The following USP4 variants were observed in gnomAD, a reference collection of about 807,000 sequenced individuals.
The protein encoded by USP4 is ubiquitin carboxyl-terminal hydrolase 4.
In USP4, 72 loss-of-function variants were observed where a neutral mutation model predicts 118.2. The ratio of observed to expected loss-of-function variants is 0.61; its 90% CI spans 0.50 to 0.74. The LOEUF (loss-of-function observed/expected upper bound fraction) is 0.74. Among genes scored for constraint, USP4 ranks in the 30% least tolerant of loss-of-function variants. The pLI, the probability that USP4 is intolerant of heterozygous loss-of-function variation, is 0.00. For synonymous variants in USP4, 415 were observed against 440.4 expected, an observed-to-expected ratio of 0.94 and a Z score of 0.72; for missense variants, 1,037 against 1,185.7, an observed-to-expected ratio of 0.87 and a Z score of 1.84.
chr3:49,332,093 T>C (rs908148396), intron 2 of USP4, among the ~76,000 whole-genome samples: 1 of 151,832 alleles, frequency 6.6e-6, no homozygotes, highest in African/African-American at 2.4e-5. Context: ...GCCAACGTGC[T>C]GAAATCCCGT....
intron 2 of USP4, 21 bp from the exon 3 acceptor site, chr3:49,327,837 A>G (rs982019674): frequency 3.7e-6 from 6 of 1,605,886 alleles, no homozygotes; most frequent in Non-Finnish European, 5.1e-6. Context: ...AAAAGAGCAC[A>G]TAAGTCACTG....
At position 49,327,734 on chromosome 3, in the gene USP4, T is replaced by C. The variant is rs761452960; in HGVS notation, c.312A>G (p.Leu104=). 66 of 1,614,022 alleles carry C rather than the reference T, an allele frequency of 4.1e-5. No individual in the cohort carries two copies. In the East Asian group the frequency reaches 1.4e-3, roughly 33 times the overall value. ...VLVPTEAWNK[L]LNWYGCVEGQ... Reference sequence around the variant, plus strand: ...CTTCTACACAGCCGTACCAGTTTAGTAGTTTATTCCACGCCTCGGTAGGGA... The same window carrying C: ...CTTCTACACAGCCGTACCAGTTTAGCAGTTTATTCCACGCCTCGGTAGGGA... Residue 104 remains leucine, a synonymous_variant, in exon 3 of 22, where the codon CTA becomes CTG. Coordinates refer to ENST00000265560, the MANE Select transcript of USP4 (RefSeq NM_003363.4).
intron 19 of USP4, among the ~76,000 whole-genome samples, chr3:49,281,489 T>TACAC (rs1275522608): frequency 2.1e-3 from 229 of 109,108 alleles, no homozygotes; most frequent in Middle Eastern, 9.7e-3. Flanking sequence ...TATATATATA[T>TACAC]ATACACACAC....
At chr3:49,306,213 T>G (rs539441736) in intron 8 of USP4, among the ~76,000 whole-genome samples, 10 of 151,504 alleles carry the variant, frequency 6.6e-5, no homozygotes, top group Admixed American at 3.3e-4. Context: ...TTTTTTTGTT[T>G]TTTTTTTTTT....
At chr3:49,306,910 G>A (rs375629041) in intron 8 of USP4, among the ~76,000 whole-genome samples, 15 of 151,348 alleles carry the variant, frequency 9.9e-5, no homozygotes, top group African/African-American at 3.4e-4. Context: ...TCAGCCTCCC[G>A]AGTAGCTGGG....
chr3:49,300,743 C>G, intron 10 of USP4, 52 bp from the exon 11 acceptor site: 1 of 1,549,758 alleles, frequency 6.5e-7, no homozygotes, highest in Non-Finnish European at 8.8e-7. Context: ...GCCCCTTGCC[C>G]CTGCATCCAG....
At chr3:49,283,202 G>T (rs924466076) in intron 19 of USP4, among the ~76,000 whole-genome samples, 1 of 150,200 alleles carries the variant, frequency 6.7e-6, no homozygotes, top group Admixed American at 6.6e-5. Flanking sequence ...TTTTAGTAGA[G>T]ATGGGGTTTC....
rs181208208 is a variant in USP4, at chr3:49,302,385, G to A, written c.1286C>T (p.Ala429Val). 10 of 1,613,248 alleles carry A rather than the reference G, an allele frequency of 6.2e-6. No homozygotes were observed. The highest frequency in any genetic ancestry group is 2.2e-5 in the East Asian group (1 of 44,876). The change falls in exon 10 of 22, where the codon GCG (alanine) becomes GTG (valine). Residue 429 changes from alanine to valine, a missense_variant and splice_region_variant. Physicochemically the swap from Ala to Val is moderately conservative, Grantham distance 64. Coordinates refer to ENST00000265560, the MANE Select transcript of USP4 (RefSeq NM_003363.4). ...ATTCAGACATCATTAATGGCATACCGCATCTGGCCGCCCATTGGCATCCTT... is the reference window on the plus strand; with the variant it reads ...ATTCAGACATCATTAATGGCATACCACATCTGGCCGCCCATTGGCATCCTT... The part of the protein sequence containing the change: ...ELKDANGRPD[A>V]VVAKEAWENH...
intron 13 of USP4, among the ~76,000 whole-genome samples, chr3:49,295,276 G>A (rs9870030): frequency 0.11 from 11,444 of 103,230 alleles, 570 homozygotes; most frequent in Middle Eastern, 0.23. Context: ...GCAACAGAGC[G>A]AGACTCCATC....
At chr3:49,333,017 C>CTT (rs924405074) in intron 2 of USP4, among the ~76,000 whole-genome samples, 1 of 126,282 alleles carries the variant, frequency 7.9e-6, no homozygotes, top group East Asian at 2.2e-4. Context: ...CAGTAGCTAC[C>CTT]TTTTTTTTTT....
At chr3:49,336,165 C>CTTTTTTTTTT (rs34604530) in intron 1 of USP4, among the ~76,000 whole-genome samples, 1 of 83,000 alleles carries the variant, frequency 1.2e-5, no homozygotes, top group Non-Finnish European at 2.2e-5. Context: ...CACCTGGCCT[C>CTTTTTTTTTT]TTTTTTTTTT....
chr3:49,300,464 C>T lies in USP4; in HGVS notation c.1512+3G>A, dbSNP rs2047252735. On this transcript the variant is annotated splice_donor_region_variant and intron_variant, in intron 11 of 21. Transcript: ENST00000265560. ...GGTGCCATAAGGGTGTGGATTCTGT[C>T]ACCTGAGTAGGTCTGCAGTGAGGGT... 4 of 1,613,858 alleles carry T rather than the reference C, an allele frequency of 2.5e-6. No homozygotes were observed. The highest frequency in any genetic ancestry group is 3.4e-6 in the Non-Finnish European group (4 of 1,179,790).
At chr3:49,282,142 G>C (rs1259491227) in intron 19 of USP4, among the ~76,000 whole-genome samples, 1 of 152,196 alleles carries the variant, frequency 6.6e-6, no homozygotes. Context: ...GCTTCAGCAA[G>C]TATGCAGAAA....
At chr3:49,305,981 C>T (rs2047310517) in intron 8 of USP4, 93 bp from the exon 9 acceptor site, 5 of 1,295,234 alleles carry the variant, frequency 3.9e-6, no homozygotes, top group South Asian at 3.4e-5. Flanking sequence ...TGAGGGACAA[C>T]GCCAACAAAA....
At chr3:49,290,516 GGTT>G (rs2107771124) in intron 15 of USP4, among the ~76,000 whole-genome samples, 1 of 152,270 alleles carries the variant, frequency 6.6e-6, no homozygotes, top group South Asian at 2.1e-4. Flanking sequence ...TGTTTTTGCT[GGTT>G]TTTGTTTTTG....
intron 2 of USP4, among the ~76,000 whole-genome samples, chr3:49,331,453 T>G (rs2047617018): frequency 1.3e-5 from 2 of 151,890 alleles, no homozygotes; most frequent in Non-Finnish European, 2.9e-5. Context: ...AAACCCCATC[T>G]CTACTAAAAG....
Position 49,277,358 on chromosome 3 carries a change from A to G in USP4, c.*935T>C, listed in dbSNP as rs1575596956. The stretch of plus-strand genomic sequence containing the variant: ...GGCTGGCCCCGCGGTGGGAGTGGGG[A>G]CGGGGCTTTCGAATGGGGGCCCCGG... On this transcript the variant is annotated 3_prime_UTR_variant, in exon 22 of 22. Coordinates refer to ENST00000265560, the MANE Select transcript of USP4 (RefSeq NM_003363.4). 1 of 745,906 alleles carries G rather than the reference A, an allele frequency of 1.3e-6. No homozygotes were observed. Among genetic ancestry groups the G allele is most frequent in the Non-Finnish European group, 1.9e-6 (1 of 529,826 alleles). The allele number at this position is 745,906 out of a possible 1,614,324, so 46.2% of individuals were successfully genotyped here. A position where few individuals can be genotyped will look rare whatever the true frequency, so the allele number is the denominator to read the frequency against.
rs752808480 is a variant in USP4 at position 49,298,543 on chromosome 3, C to T, written c.1596+9G>A. The T allele has an allele frequency of 6.2e-7, 1 of 1,613,990 alleles. No individual in the cohort carries two copies. The highest frequency in any genetic ancestry group is 2.2e-5 in the East Asian group (1 of 44,890). ...AATAGACCGAGTGCCACTGATCACC[C>T]CGCCTTACATTTTCTGCAGCAATGC... On this transcript the variant is annotated intron_variant, in intron 12 of 21. Coordinates refer to ENST00000265560, the MANE Select transcript of USP4 (RefSeq NM_003363.4).
intron 13 of USP4, among the ~76,000 whole-genome samples, chr3:49,296,501 G>A (rs1358724473): frequency 1.3e-5 from 2 of 149,740 alleles, no homozygotes; most frequent in Admixed American, 6.7e-5. Context: ...TACCAAAAAT[G>A]AGCCAGGCGT....
Sources: allele counts gnomAD v4.1 joint callset (sites outside exome capture counted in the v4.1 genomes callset), GRCh38; gene constraint gnomAD v4.1.1; transcripts MANE v1.5; gene names NCBI Gene and HGNC (gene_info 2026-07-23, HGNC 2026-07-21).